NAALADL2: variants seen among roughly 807,000 people sequenced by gnomAD.
NAALADL2 encodes N-acetylated alpha-linked acidic dipeptidase like 2.
A neutral mutation model predicts 87.2 loss-of-function variants in NAALADL2; 76 were observed. The ratio of observed to expected loss-of-function variants is 0.87; its 90% CI spans 0.72 to 1.05. The LOEUF (loss-of-function observed/expected upper bound fraction) is 1.05. NAALADL2 is among the 50% of genes least tolerant of loss of function. The pLI is 0.00. For missense variants in NAALADL2, 1,089 were observed against 945.8 expected, an observed-to-expected ratio of 1.15 and a Z score of -1.99; for synonymous variants, 354 against 331.0, an observed-to-expected ratio of 1.07 and a Z score of -0.75.
At chr3:174,911,532 C>T (rs572189984) in intron 1 of NAALADL2, among the ~76,000 whole-genome samples, 6 of 152,122 alleles carry the variant, frequency 3.9e-5, no homozygotes, top group African/African-American at 1.2e-4. Flanking sequence ...CTGCCTGCTA[C>T]AAATTGCAAG....
intron 1 of NAALADL2, among the ~76,000 whole-genome samples, chr3:174,454,118 C>G (rs531120168): frequency 2.0e-5 from 3 of 152,124 alleles, no homozygotes. Context: ...AGACAAAAGA[C>G]TATAAGCCAA....
chr3:175,647,335 G>T (rs1228347812), intron 11 of NAALADL2, among the ~76,000 whole-genome samples: 1 of 151,964 alleles, frequency 6.6e-6, no homozygotes, highest in Non-Finnish European at 1.5e-5. Flanking sequence ...TACATGTGCA[G>T]GTTTGTTACC....
At chr3:175,724,857 T>C (rs1017861997) in intron 11 of NAALADL2, among the ~76,000 whole-genome samples, 1 of 151,980 alleles carries the variant, frequency 6.6e-6, no homozygotes, top group African/African-American at 2.4e-5. Context: ...AAATCTATAA[T>C]AAAACAGAGG....
At chr3:174,496,827 G>A (rs532312046) in intron 1 of NAALADL2, among the ~76,000 whole-genome samples, 79 of 151,942 alleles carry the variant, frequency 5.2e-4, no homozygotes, top group African/African-American at 1.9e-3. Context: ...CTCCTTGTGG[G>A]GTATAACACT....
intron 2 of NAALADL2, among the ~76,000 whole-genome samples, chr3:174,634,495 TA>T (rs892360504): frequency 3.9e-4 from 58 of 150,056 alleles, no homozygotes; most frequent in African/African-American, 7.8e-4. Flanking sequence ...GCATTTGATG[TA>T]AAAAAAAAAT....
intron 9 of NAALADL2, among the ~76,000 whole-genome samples, chr3:175,549,409 A>C (rs1477596178): frequency 6.6e-6 from 1 of 151,958 alleles, no homozygotes; most frequent in Non-Finnish European, 1.5e-5. Flanking sequence ...TTTGCATTAT[A>C]AATACTCTAT....
chr3:175,396,108 C>G (rs1207821935), intron 5 of NAALADL2, among the ~76,000 whole-genome samples: 1 of 152,022 alleles, frequency 6.6e-6, no homozygotes, highest in Non-Finnish European at 1.5e-5. Context: ...AAAATAAAAC[C>G]CATATATGTG....
chr3:175,802,682 C>CAATT (rs1754323403), intron 13 of NAALADL2, among the ~76,000 whole-genome samples: 3 of 147,276 alleles, frequency 2.0e-5, no homozygotes, highest in African/African-American at 8.1e-5. Context: ...TATTTATAAG[C>CAATT]AATTAAATCT....
At chr3:175,609,474 T>C (rs1249521417) in intron 10 of NAALADL2, 1 of 152,166 alleles carries the variant, frequency 6.6e-6, no homozygotes, top group Non-Finnish European at 1.5e-5. Flanking sequence ...TAAATCTTTG[T>C]AGTTAGCTTT....
chr3:175,053,121 A>G (rs2109029633), intron 1 of NAALADL2, among the ~76,000 whole-genome samples: 1 of 152,338 alleles, frequency 6.6e-6, no homozygotes, highest in Admixed American at 6.5e-5. Context: ...TGAGGGCGGT[A>G]TGCCTCAATT....
At chr3:174,748,157 G>C (rs1734460974) in intron 3 of NAALADL2, among the ~76,000 whole-genome samples, 1 of 151,980 alleles carries the variant, frequency 6.6e-6, no homozygotes, top group Non-Finnish European at 1.5e-5. Flanking sequence ...ACTTGGGTCT[G>C]TCATGGGGGT....
At chr3:175,175,991 G>A (rs376910442) in intron 2 of NAALADL2, among the ~76,000 whole-genome samples, 52 of 152,090 alleles carry the variant, frequency 3.4e-4, no homozygotes, top group Non-Finnish European at 5.6e-4. Context: ...TATGCTATTC[G>A]TCTGGAAATT....
intron 2 of NAALADL2, among the ~76,000 whole-genome samples, chr3:175,196,704 C>T (rs1450831867): frequency 1.3e-5 from 2 of 151,884 alleles, no homozygotes; most frequent in Non-Finnish European, 2.9e-5. Context: ...AAACGTATTT[C>T]ACAAAAAGTA....
At chr3:174,646,368 G>C (rs1277591942) in intron 2 of NAALADL2, among the ~76,000 whole-genome samples, 1 of 152,040 alleles carries the variant, frequency 6.6e-6, no homozygotes, top group African/African-American at 2.4e-5. Context: ...TAGAAATAGA[G>C]GCTTTCCCTT....
chr3:175,555,396 C>T (rs1715096034), intron 9 of NAALADL2, among the ~76,000 whole-genome samples: 1 of 152,180 alleles, frequency 6.6e-6, no homozygotes, highest in South Asian at 2.1e-4. Flanking sequence ...GCTATTGCCA[C>T]AGATTTCTTA....
intron 3 of NAALADL2, among the ~76,000 whole-genome samples, chr3:174,749,287 T>G (rs1734587272): frequency 6.6e-6 from 1 of 152,172 alleles, no homozygotes; most frequent in African/African-American, 2.4e-5. Context: ...TCATTTGAAC[T>G]CTTAGAAAAC....
rs960091391 is a variant in NAALADL2 at position 175,680,889 on chromosome 3, C to T, written c.1896+53503C>T. ...AAGCACTTTGGGAGGCTGAGGCGGG[C>T]GGATCAAGAGGTGCGGAGATCGGCA... is the stretch of plus-strand genomic sequence containing the variant. On this transcript the variant is annotated intron_variant, in intron 11 of 13. Transcript: ENST00000454872. Among the ~76,000 whole-genome samples, 12 of 152,162 alleles carry T rather than the reference C, an allele frequency of 7.9e-5. No individual in the cohort carries two copies. In the East Asian group the frequency reaches 1.7e-3, roughly 22 times the overall value.
intron 2 of NAALADL2, among the ~76,000 whole-genome samples, chr3:175,173,503 A>G (rs1348318981): frequency 1.3e-5 from 2 of 152,088 alleles, no homozygotes; most frequent in African/African-American, 4.8e-5. Flanking sequence ...CCCCATCTCA[A>G]AATAATTCCA....
chr3:175,274,075 G>T (rs922977988), intron 4 of NAALADL2, among the ~76,000 whole-genome samples: 1 of 152,102 alleles, frequency 6.6e-6, no homozygotes, highest in East Asian at 1.9e-4. Context: ...GAATAGGCTG[G>T]GTAATTTATT....
Sources: allele counts gnomAD v4.1 joint callset (sites outside exome capture counted in the v4.1 genomes callset), GRCh38; gene constraint gnomAD v4.1.1; transcripts MANE v1.5; gene names NCBI Gene and HGNC (gene_info 2026-07-23, HGNC 2026-07-21).